GLDC: variants seen among roughly 807,000 people sequenced by gnomAD.
The protein encoded by GLDC is glycine dehydrogenase (decarboxylating), mitochondrial.
GLDC carries 104 observed loss-of-function variants against 121.3 expected under a neutral mutation model. The ratio of observed to expected loss-of-function variants is 0.86; its 90% CI spans 0.73 to 1.01. The LOEUF is 1.01. Ranked by LOEUF, GLDC falls within the 50% of genes least tolerant of loss-of-function variation. The pLI is 0.00. For missense variants in GLDC, 1,429 were observed against 1,306.6 expected (o/e 1.09, Z -1.44); for synonymous variants, 546 against 480.6 (o/e 1.14, Z -1.78).
In GLDC at chr9:6,588,403, C is replaced by T. The variant is rs151268759; in HGVS notation, c.1705G>A (p.Ala569Thr). Residue 569 changes from alanine (A) to threonine (T), a missense_variant and splice_region_variant, in exon 14 of 25, where the codon GCA (alanine) becomes ACA (threonine). Coordinates refer to ENST00000321612, the MANE Select transcript of GLDC (RefSeq NM_000170.3). ...ACTTACAGAAGTGAGCTACTTACTG[C>T]GAGTTCAGACGAACTGTTCAGTTTC... The part of the protein sequence containing the change: ...TMKLNSSSEL[A>T]PITWKEFANI... 4.9e-3 allele frequency: 7,921 copies of T among 1,609,056 alleles called. 42 individuals carry two copies. The highest frequency in any genetic ancestry group is 5.3e-3 in the Non-Finnish European group (6,272 of 1,175,446).
intron 11 of GLDC, chr9:6,591,897 C>G: frequency 2.2e-6 from 1 of 445,166 alleles, no homozygotes; most frequent in South Asian, 2.3e-5. Flanking sequence ...AGCCTAGAGG[C>G]ACTTTCAATG....
chr9:6,552,079 T>C (rs1393165369), intron 20 of GLDC, among the ~76,000 whole-genome samples: 1 of 152,030 alleles, frequency 6.6e-6, no homozygotes, highest in African/African-American at 2.4e-5. Flanking sequence ...GAGAGATACG[T>C]GGGGGCCTAG....
intron 9 of GLDC, among the ~76,000 whole-genome samples, chr9:6,593,354 A>G (rs1818418035): frequency 6.6e-6 from 1 of 151,144 alleles, no homozygotes; most frequent in African/African-American, 2.4e-5. Context: ...ATGCAGTGGC[A>G]TGATCATAGC....
At chr9:6,536,313 T>C in intron 22 of GLDC, 77 bp from the exon 23 acceptor site, 1 of 1,179,198 alleles carries the variant, frequency 8.5e-7, no homozygotes, top group South Asian at 1.3e-5. Flanking sequence ...TTCGTATCCC[T>C]TCTTATATTT....
chr9:6,618,051 T>C (rs772868354), intron 3 of GLDC, among the ~76,000 whole-genome samples: 1 of 152,236 alleles, frequency 6.6e-6, no homozygotes, highest in Non-Finnish European at 1.5e-5. Context: ...AAATTAAAGT[T>C]ACCTCTTCCA....
intron 17 of GLDC, 175 bp downstream of exon 17, chr9:6,558,384 C>T (rs1004776237): frequency 7.7e-5 from 58 of 754,634 alleles, no homozygotes; most frequent in African/African-American, 3.5e-4. Flanking sequence ...AATTAGAAAA[C>T]GGGGATTTCT....
chr9:6,562,661 G>C (rs185961522), intron 16 of GLDC, among the ~76,000 whole-genome samples: 1 of 152,176 alleles, frequency 6.6e-6, no homozygotes, highest in East Asian at 1.9e-4. Flanking sequence ...CTGGATTCAA[G>C]TGATTCTCCT....
chr9:6,556,655 T>C (rs969784773), intron 17 of GLDC, among the ~76,000 whole-genome samples: 9 of 152,046 alleles, frequency 5.9e-5, no homozygotes, highest in African/African-American at 2.2e-4. Flanking sequence ...TAGCCGAGCA[T>C]GGTGGCAGGT....
intron 4 of GLDC, among the ~76,000 whole-genome samples, chr9:6,608,853 T>C (rs1241687462): frequency 2.0e-5 from 3 of 152,122 alleles, no homozygotes; most frequent in Admixed American, 2.0e-4. Context: ...CTGAGAATAA[T>C]AACCAGAGAG....
intron 21 of GLDC, among the ~76,000 whole-genome samples, chr9:6,547,697 T>C (rs1275678072): frequency 6.6e-6 from 1 of 152,060 alleles, no homozygotes; most frequent in East Asian, 1.9e-4. Context: ...TTGTAATAAA[T>C]GCAAACAAAG....
chr9:6,593,286 T>TATATATATATATATAA (rs1333210071), intron 9 of GLDC, among the ~76,000 whole-genome samples: 2 of 150,688 alleles, frequency 1.3e-5, no homozygotes, highest in African/African-American at 4.9e-5. Flanking sequence ...TATATATATA[T>TATATATATATATATAA]AAAATTATAC....
chr9:6,595,761 C>T (rs1308162802), intron 8 of GLDC, among the ~76,000 whole-genome samples: 1 of 152,034 alleles, frequency 6.6e-6, no homozygotes, highest in Non-Finnish European at 1.5e-5. Context: ...CCCAGGATTT[C>T]GAGGTTACAG....
chr9:6,602,802 C>T (rs899274044), intron 7 of GLDC, among the ~76,000 whole-genome samples: 2 of 151,994 alleles, frequency 1.3e-5, no homozygotes, highest in African/African-American at 2.4e-5. Flanking sequence ...TCTTAGGAGA[C>T]ACAGGAAAAG....
intron 3 of GLDC, among the ~76,000 whole-genome samples, chr9:6,611,083 TA>T (rs1440361762): frequency 6.6e-6 from 1 of 152,244 alleles, no homozygotes; most frequent in Non-Finnish European, 1.5e-5. Context: ...GCTAAGAAAT[TA>T]ATAGAGGTCT....
chr9:6,579,545 G>C (rs765990925), intron 15 of GLDC, among the ~76,000 whole-genome samples: 2 of 151,646 alleles, frequency 1.3e-5, no homozygotes, highest in South Asian at 2.1e-4. Flanking sequence ...TTTTTTTGTA[G>C]ATGGGGTCTT....
At chr9:6,634,641 C>G (rs7029245) in intron 2 of GLDC, among the ~76,000 whole-genome samples, 1 of 151,994 alleles carries the variant, frequency 6.6e-6, no homozygotes, top group Admixed American at 6.6e-5. Flanking sequence ...CAGACTCATT[C>G]ATTCTCTGGA....
At chr9:6,608,926 C>T (rs1563859084) in intron 4 of GLDC, among the ~76,000 whole-genome samples, 1 of 152,036 alleles carries the variant, frequency 6.6e-6, no homozygotes, top group South Asian at 2.1e-4. Context: ...CTGAACCCAC[C>T]CCCAACGGCT....
At chr9:6,552,570 C>T (rs982204467) in intron 20 of GLDC, among the ~76,000 whole-genome samples, 6 of 152,130 alleles carry the variant, frequency 3.9e-5, no homozygotes, top group African/African-American at 1.4e-4. Context: ...CAGAAATAAA[C>T]AGTCAGCTCC....
Position 6,638,059 on chromosome 9 carries a change from C to G in GLDC, c.334+6555G>C, listed in dbSNP as rs59012021. ...CTTCGACATTTATCTGAATATCCCCCAAATAATTGATAGCATAATTATTTA... is the reference window on the plus strand; with the variant it reads ...CTTCGACATTTATCTGAATATCCCCGAAATAATTGATAGCATAATTATTTA... On this transcript the variant is annotated intron_variant, in intron 2 of 24. Transcript: ENST00000321612. Among the ~76,000 whole-genome samples, 443 of 152,124 alleles carry G rather than the reference C, an allele frequency of 2.9e-3. 1 individual carries two copies. Among genetic ancestry groups the G allele is most frequent in the African/African-American group, 0.01 (424 of 41,504 alleles).
Sources: allele counts gnomAD v4.1 joint callset (sites outside exome capture counted in the v4.1 genomes callset), GRCh38; gene constraint gnomAD v4.1.1; transcripts MANE v1.5; gene names NCBI Gene and HGNC (gene_info 2026-07-23, HGNC 2026-07-21).